The following ITGB3BP variants were observed in gnomAD, a reference collection of about 807,000 sequenced individuals.
ITGB3BP encodes integrin subunit beta 3 binding protein, also known as centromere protein R.
In ITGB3BP, 27 loss-of-function variants were observed where a neutral mutation model predicts 29.1. The ratio of observed to expected loss-of-function variants is 0.93; its 90% confidence interval spans 0.68 to 1.28. The LOEUF is 1.28. ITGB3BP is among the 50% of genes most tolerant of loss of function. The pLI, the probability that ITGB3BP is intolerant of heterozygous loss-of-function variation, is 0.00. For missense variants in ITGB3BP, 192 were observed against 200.2 expected, an observed-to-expected ratio of 0.96 and a Z score of 0.25; for synonymous variants, 61 against 61.4, an observed-to-expected ratio of 0.99 and a Z score of 0.03.
chr1:63,469,508 T>C (rs1277409863), intron 4 of ITGB3BP, among the ~76,000 whole-genome samples: 1 of 152,070 alleles, frequency 6.6e-6, no homozygotes, highest in Non-Finnish European at 1.5e-5. Context: ...GCATTTTTAC[T>C]AGAGACGGGG....
At chr1:63,442,731 T>C (rs1455828654) in intron 8 of ITGB3BP, 1 of 152,230 alleles carries the variant, frequency 6.6e-6, no homozygotes, top group Non-Finnish European at 1.5e-5. Flanking sequence ...TTGTTTGTAC[T>C]TGTTATTGGC....
At chr1:63,508,420 ATATAAT>A in intron 2 of ITGB3BP, 102 bp downstream of exon 2, 2 of 609,604 alleles carry the variant, frequency 3.3e-6, no homozygotes, top group Non-Finnish European at 2.9e-6. Flanking sequence ...TCACACTGTG[ATATAAT>A]TAAAATTATC....
chr1:63,502,760 C>T (rs189095519), intron 2 of ITGB3BP, among the ~76,000 whole-genome samples: 11 of 149,448 alleles, frequency 7.4e-5, no homozygotes, highest in South Asian at 2.1e-4. Flanking sequence ...TGAGAACACG[C>T]GGTGTTTGGT....
At chr1:63,521,122 T>C (rs1379257374) in intron 1 of ITGB3BP, among the ~76,000 whole-genome samples, 1 of 152,152 alleles carries the variant, frequency 6.6e-6, no homozygotes, top group Admixed American at 6.5e-5. Context: ...CCGTAAGTTA[T>C]ATTACACATT....
chr1:63,523,225 T>G lies in ITGB3BP; in HGVS notation c.-92A>C, dbSNP rs575007797. 1,670 of 1,569,430 alleles carry G rather than the reference T, an allele frequency of 1.1e-3. 8 individuals are homozygous for G. The South Asian group carries it at 0.011, about 10-fold the overall frequency. The stretch of plus-strand genomic sequence containing the variant: ...ATCCGCCAAAGGAAACGCCAAGGCA[T>G]GAAAAGCGCGCGCTGGACGTTGCGT... On this transcript the variant is annotated 5_prime_UTR_variant, in exon 1 of 9. It removes an upstream start codon present in the reference 5' UTR. Transcript: ENST00000271002.
intron 2 of ITGB3BP, among the ~76,000 whole-genome samples, chr1:63,501,628 C>T (rs575988958): frequency 2.6e-5 from 4 of 151,920 alleles, no homozygotes; most frequent in East Asian, 1.9e-4. Flanking sequence ...TCTAGGAGGC[C>T]GAGATGGGCA....
intron 2 of ITGB3BP, among the ~76,000 whole-genome samples, chr1:63,494,275 C>T (rs762692034): frequency 2.6e-5 from 4 of 152,052 alleles, no homozygotes; most frequent in Non-Finnish European, 5.9e-5. Context: ...CCCACCACCA[C>T]GTCCGGCTAA....
upstream of ITGB3BP, chr1:63,525,831 T>G: frequency 9.6e-7 from 1 of 1,045,542 alleles, no homozygotes; most frequent in Non-Finnish European, 1.4e-6. Flanking sequence ...AAGACTGAAA[T>G]TAGAATTACC....
At chr1:63,480,253 T>C (rs955799609) in intron 3 of ITGB3BP, among the ~76,000 whole-genome samples, 1 of 152,092 alleles carries the variant, frequency 6.6e-6, no homozygotes, top group Non-Finnish European at 1.5e-5. Context: ...TGGGTTGAAA[T>C]GTAAGTTTGT....
chr1:63,454,078 T>A lies in ITGB3BP; in HGVS notation c.428-104A>T, dbSNP rs1443943726. Reference sequence around the variant, plus strand: ...ATGAGAAAAAAATAATTCAAAATAATACATATTTATAAGTACCAAATATAA... The same window carrying A: ...ATGAGAAAAAAATAATTCAAAATAAAACATATTTATAAGTACCAAATATAA... On this transcript the variant is annotated intron_variant, in intron 6 of 8. Coordinates refer to ENST00000271002, the MANE Select transcript of ITGB3BP (RefSeq NM_014288.5). The surrounding 1 kb of genome is among the most constrained non-coding windows in gnomAD (Gnocchi z 4.1). 1 of 606,352 alleles carries A rather than the reference T, an allele frequency of 1.6e-6. No individual in the cohort carries two copies. The highest frequency in any genetic ancestry group is 2.9e-5 in the East Asian group (1 of 34,316). 37.6% of individuals were successfully genotyped at this position (606,352 alleles called of 1,614,324 possible).
At chr1:63,482,270 CAAAAAAAAA>C (rs376500389) in intron 3 of ITGB3BP, among the ~76,000 whole-genome samples, 1 of 59,354 alleles carries the variant, frequency 1.7e-5, no homozygotes, top group South Asian at 1.2e-3. Flanking sequence ...GACTCCATCT[CAAAAAAAAA>C]AAAAAAAAAA....
intron 4 of ITGB3BP, among the ~76,000 whole-genome samples, chr1:63,472,245 G>A (rs931398913): frequency 6.6e-5 from 10 of 151,518 alleles, no homozygotes; most frequent in Non-Finnish European, 1.3e-4. Context: ...AATTTGTATA[G>A]TGTAGGACCA....
intron 3 of ITGB3BP, among the ~76,000 whole-genome samples, chr1:63,482,649 ATTTTT>A (rs34619742): frequency 7.7e-6 from 1 of 129,848 alleles, no homozygotes; most frequent in Non-Finnish European, 1.6e-5. Context: ...AACAATGTTA[ATTTTT>A]TTTTTTTTTT....
At chr1:63,493,190 TG>T (rs1645702050) in intron 2 of ITGB3BP, among the ~76,000 whole-genome samples, 1 of 151,760 alleles carries the variant, frequency 6.6e-6, no homozygotes, top group Admixed American at 6.6e-5. Flanking sequence ...GAGGCCAAGG[TG>T]GGTAAATCAC....
Position 63,447,017 on chromosome 1 carries a change from CA to C in ITGB3BP, c.485-162del. ...CTAAGGCTATAAATTCTCATTTCAA[CA>C]TGCTATAGTTAGCCTGATTCTATTT... On this transcript the variant is annotated intron_variant, in intron 7 of 8. Coordinates refer to ENST00000271002, the MANE Select transcript of ITGB3BP (RefSeq NM_014288.5). 3 of 591,308 alleles carry C rather than the reference CA, an allele frequency of 5.1e-6. No individual in the cohort carries two copies. The South Asian group carries it at 6.9e-5, about 14-fold the overall frequency. The allele number at this position is 591,308 out of a possible 1,614,324, so 36.6% of individuals were successfully genotyped here. A position where few individuals can be genotyped will look rare whatever the true frequency, so the allele number is the denominator to read the frequency against.
At chr1:63,471,620 G>A (rs183297921) in intron 4 of ITGB3BP, among the ~76,000 whole-genome samples, 1 of 152,148 alleles carries the variant, frequency 6.6e-6, no homozygotes, top group African/African-American at 2.4e-5. Flanking sequence ...TTTTGTGCAT[G>A]GTGTGAGGGT....
In ITGB3BP at chr1:63,441,118, A is replaced by AGATAG. The variant is rs1644724033; in HGVS notation, c.*2-16_*2-15insCTATC. The AGATAG allele has an allele frequency of 6.6e-6, 1 of 152,504 alleles. No homozygotes were observed. The highest frequency in any genetic ancestry group is 2.1e-4 in the South Asian group (1 of 4,834). The allele number at this position is 152,504 out of a possible 1,614,324, so 9.4% of individuals were successfully genotyped here. A position where few individuals can be genotyped will look rare whatever the true frequency, so the allele number is the denominator to read the frequency against. Reference sequence around the variant, plus strand: ...CTTCTTAATGCCTGTGAGATATAAAAGATAATTATATTATCAAGAATTAGT... The same window carrying AGATAG: ...CTTCTTAATGCCTGTGAGATATAAAAGATAGGATAATTATATTATCAAGAATTAGT... On this transcript the variant is annotated splice_polypyrimidine_tract_variant and intron_variant, in intron 8 of 8. Coordinates refer to ENST00000271002, the MANE Select transcript of ITGB3BP (RefSeq NM_014288.5).
upstream of ITGB3BP, chr1:63,525,677 T>A: frequency 6.2e-7 from 1 of 1,602,274 alleles, no homozygotes. Context: ...AGGAAATATT[T>A]TATATGAATT....
intron 4 of ITGB3BP, among the ~76,000 whole-genome samples, chr1:63,473,794 T>TG (rs1415239347): frequency 2.7e-5 from 1 of 37,304 alleles, no homozygotes; most frequent in African/African-American, 1.0e-4. Context: ...GGGAGGGAGG[T>TG]GGGGGGGTCA....
Sources: gnomAD v4.1 joint callset for allele counts (sites outside exome capture counted in the v4.1 genomes callset) on GRCh38, gnomAD v4.1.1 for gene constraint, Gnocchi (gnomAD v3.1) non-coding constraint, MANE v1.5 for transcripts, NCBI Gene and HGNC (gene_info 2026-07-23, HGNC 2026-07-21) for gene names.